Variants in OR1J2 observed in about 807,000 individuals in gnomAD.
The protein encoded by OR1J2 is olfactory receptor family 1 subfamily J member 2.
For missense variants in OR1J2, 304 were observed against 246.1 expected (o/e 1.24, Z -1.57); for synonymous variants, 142 against 99.7 (o/e 1.42, Z -2.52).
At chr9:122,566,305 T>C in the OR1J2 span, among the ~76,000 whole-genome samples, 3 of 152,204 alleles carry the variant, frequency 2.0e-5, no homozygotes, top group African/African-American at 7.2e-5. Flanking sequence ...TTCTATTCCA[T>C]TGGCAATAAA....
the OR1J2 span, among the ~76,000 whole-genome samples, chr9:122,452,520 T>G: frequency 6.6e-6 from 1 of 152,170 alleles, no homozygotes; most frequent in Non-Finnish European, 1.5e-5. Context: ...ATTCCTTCCC[T>G]GGTGAGCATA....
At chr9:122,569,909 A>G in the OR1J2 span, among the ~76,000 whole-genome samples, 2 of 143,994 alleles carry the variant, frequency 1.4e-5, no homozygotes, top group African/African-American at 5.2e-5. Flanking sequence ...AATTCCCACC[A>G]ATGAGTGAGA....
chr9:122,541,227 G>A, the OR1J2 span, among the ~76,000 whole-genome samples: 224 of 152,280 alleles, frequency 1.5e-3, no homozygotes, highest in Admixed American at 2.4e-3. Flanking sequence ...TTCTTTGACA[G>A]TTCACTGAGT....
chr9:122,514,405 G>C (rs1828673472), downstream of OR1J2, among the ~76,000 whole-genome samples: 2 of 152,290 alleles, frequency 1.3e-5, no homozygotes, highest in South Asian at 4.1e-4. Context: ...GTGTTAATTT[G>C]CTTAGGATGA....
At chr9:122,470,399 G>A in the OR1J2 span, among the ~76,000 whole-genome samples, 4 of 152,258 alleles carry the variant, frequency 2.6e-5, no homozygotes, top group African/African-American at 9.6e-5. Flanking sequence ...CAAGAATTGA[G>A]GTTGGGAACC....
the OR1J2 span, among the ~76,000 whole-genome samples, chr9:122,560,915 G>T: frequency 1.3e-5 from 2 of 152,144 alleles, no homozygotes; most frequent in African/African-American, 4.8e-5. Flanking sequence ...ATATCCTGAA[G>T]TGTGTTTTCC....
downstream of OR1J2, among the ~76,000 whole-genome samples, chr9:122,513,960 T>A (rs915075792): frequency 2.0e-5 from 3 of 152,110 alleles, no homozygotes; most frequent in Non-Finnish European, 4.4e-5. Context: ...AATTTCACAG[T>A]GAATAAAATA....
chr9:122,466,625 C>G, the OR1J2 span, among the ~76,000 whole-genome samples: 1 of 152,186 alleles, frequency 6.6e-6, no homozygotes, highest in South Asian at 2.1e-4. Context: ...GGCAGAGACT[C>G]CCTGGGCTGT....
chr9:122,478,192 A>G, the OR1J2 span, among the ~76,000 whole-genome samples: 1 of 152,250 alleles, frequency 6.6e-6, no homozygotes, highest in African/African-American at 2.4e-5. Context: ...TTTTTAATAC[A>G]CTGTTCCAAT....
the OR1J2 span, among the ~76,000 whole-genome samples, chr9:122,479,418 C>T: frequency 6.6e-6 from 1 of 152,180 alleles, no homozygotes; most frequent in Non-Finnish European, 1.5e-5. Context: ...TTTTGTATCT[C>T]ATTTCTATAT....
the OR1J2 span, among the ~76,000 whole-genome samples, chr9:122,450,978 G>A: frequency 6.6e-6 from 1 of 151,932 alleles, no homozygotes; most frequent in Non-Finnish European, 1.5e-5. Context: ...AACATTTTAT[G>A]CACAAAAATA....
chr9:122,539,816 A>G, the OR1J2 span, among the ~76,000 whole-genome samples: 1 of 152,136 alleles, frequency 6.6e-6, no homozygotes. Context: ...TCTAATTGGT[A>G]TGAGATGGTA....
chr9:122,466,551 T>TA, the OR1J2 span, among the ~76,000 whole-genome samples: 1 of 152,164 alleles, frequency 6.6e-6, no homozygotes, highest in Admixed American at 6.5e-5. Context: ...AGGACAGTAC[T>TA]AAAAACCACT....
At chr9:122,479,634 G>A in the OR1J2 span, among the ~76,000 whole-genome samples, 1 of 152,114 alleles carries the variant, frequency 6.6e-6, no homozygotes, top group Non-Finnish European at 1.5e-5. Context: ...GTCAGATGCT[G>A]TTACTCTATT....
chr9:122,470,214 C>G, the OR1J2 span, among the ~76,000 whole-genome samples: 43 of 152,284 alleles, frequency 2.8e-4, no homozygotes, highest in Non-Finnish European at 5.4e-4. Flanking sequence ...GTTTTGTGGG[C>G]AGGGCCCAGG....
At chr9:122,462,749 C>G in the OR1J2 span, among the ~76,000 whole-genome samples, 2 of 152,078 alleles carry the variant, frequency 1.3e-5, no homozygotes, top group Non-Finnish European at 2.9e-5. Flanking sequence ...AAAATAGGAC[C>G]CCAAACTCTT....
chr9:122,569,858 T>A, the OR1J2 span, among the ~76,000 whole-genome samples: 1 of 139,986 alleles, frequency 7.1e-6, no homozygotes, highest in Admixed American at 7.5e-5. Context: ...GTCCCCAGAG[T>A]GTGATGTTCC....
the OR1J2 span, among the ~76,000 whole-genome samples, chr9:122,485,097 A>G: frequency 6.6e-6 from 1 of 152,112 alleles, no homozygotes; most frequent in Non-Finnish European, 1.5e-5. Flanking sequence ...AAAGGCAACC[A>G]TGTCCTACCA....
At chr9:122,475,732 A>G in the OR1J2 span, 1 of 152,302 alleles carries the variant, frequency 6.6e-6, no homozygotes, top group East Asian at 1.9e-4. Flanking sequence ...TAACATCCTG[A>G]CACACACTAC....
Sources: gnomAD v4.1 joint callset for allele counts (sites outside exome capture counted in the v4.1 genomes callset) on GRCh38, gnomAD v4.1.1 for gene constraint, MANE v1.5 for transcripts, NCBI Gene and HGNC (gene_info 2026-07-23, HGNC 2026-07-21) for gene names.